METTL25: variants seen among roughly 807,000 people sequenced by gnomAD.
METTL25 encodes the protein probable methyltransferase-like protein 25.
In METTL25, 64 loss-of-function variants were observed where a neutral mutation model predicts 71.6. That is an observed-to-expected ratio of 0.89 (90% CI 0.73 to 1.10). METTL25 has a LOEUF of 1.10. Among genes scored for constraint, METTL25 ranks in the 50% least tolerant of loss-of-function variants. METTL25 has a pLI of 0.00. For missense variants in METTL25, 807 were observed against 707.0 expected (o/e 1.14, Z -1.60); for synonymous variants, 287 against 250.3 (o/e 1.15, Z -1.38).
chr12:82,447,702 G>T (rs987417335), intron 8 of METTL25, among the ~76,000 whole-genome samples: 6 of 151,992 alleles, frequency 3.9e-5, no homozygotes, highest in African/African-American at 1.4e-4. Flanking sequence ...AGAAATCAAG[G>T]TATTTAATAC....
chr12:82,456,338 C>T (rs1891486183), intron 8 of METTL25, among the ~76,000 whole-genome samples: 2 of 151,882 alleles, frequency 1.3e-5, no homozygotes, highest in African/African-American at 4.8e-5. Flanking sequence ...CTTTGCATAG[C>T]TGTTGAATTA....
At chr12:82,438,969 G>A (rs941261020) in intron 8 of METTL25, 178 bp downstream of exon 8, 3 of 401,926 alleles carry the variant, frequency 7.5e-6, no homozygotes, top group Non-Finnish European at 1.3e-5. Context: ...CATTAAAGTG[G>A]GGGCTCTAAT....
intron 5 of METTL25, among the ~76,000 whole-genome samples, chr12:82,418,504 T>C (rs2137088455): frequency 6.6e-6 from 1 of 152,290 alleles, no homozygotes; most frequent in South Asian, 2.1e-4. Context: ...GTGACACTAA[T>C]AATCTCCACC....
intron 9 of METTL25, among the ~76,000 whole-genome samples, chr12:82,466,703 A>G (rs564609286): frequency 6.4e-4 from 97 of 152,188 alleles, no homozygotes; most frequent in African/African-American, 1.8e-3. Context: ...GAAGTCCCCA[A>G]CTATTACTGG....
At chr12:82,434,632 T>C in intron 6 of METTL25, 63 bp from the exon 7 acceptor site, 1 of 1,253,228 alleles carries the variant, frequency 8.0e-7, no homozygotes, top group Non-Finnish European at 1.1e-6. Flanking sequence ...TCTTATACAG[T>C]GTGTTTATAA....
At chr12:82,366,131 TC>T (rs1373566804) in intron 1 of METTL25, among the ~76,000 whole-genome samples, 2 of 152,112 alleles carry the variant, frequency 1.3e-5, no homozygotes, top group Non-Finnish European at 2.9e-5. Context: ...CCTCATTTGT[TC>T]TCATTGTAAT....
At chr12:82,365,392 G>C (rs1358811004) in intron 1 of METTL25, among the ~76,000 whole-genome samples, 1 of 152,128 alleles carries the variant, frequency 6.6e-6, no homozygotes, top group Non-Finnish European at 1.5e-5. Context: ...TATCACTTCA[G>C]GTTAAAATGT....
chr12:82,463,578 C>T (rs1239988862), intron 9 of METTL25, among the ~76,000 whole-genome samples: 1 of 151,924 alleles, frequency 6.6e-6, no homozygotes, highest in African/African-American at 2.4e-5. Flanking sequence ...ATATTGATTT[C>T]TTTTCCTTTG....
chr12:82,442,747 C>CAA (rs1435973301), intron 8 of METTL25, among the ~76,000 whole-genome samples: 3 of 152,044 alleles, frequency 2.0e-5, no homozygotes, highest in Non-Finnish European at 4.4e-5. Context: ...TTCTTTCCTA[C>CAA]AACTGTATGT....
chr12:82,362,171 C>A (rs1292759965), intron 1 of METTL25, among the ~76,000 whole-genome samples: 5 of 152,128 alleles, frequency 3.3e-5, no homozygotes. Context: ...TCATTAGAGT[C>A]CTAAGAGTTT....
chr12:82,361,632 T>C (rs1370552022), intron 1 of METTL25, among the ~76,000 whole-genome samples: 1 of 152,140 alleles, frequency 6.6e-6, no homozygotes, highest in Non-Finnish European at 1.5e-5. Flanking sequence ...CTGGGGGACT[T>C]GGTGCATCCT....
chr12:82,479,204 AT>A lies in METTL25; in HGVS notation c.*182del. ...CCATTTTTCCATTGTCAAAGCATACATTAATAAAAGAAGAACCTGTCATAAT... is the reference window on the plus strand; with the variant it reads ...CCATTTTTCCATTGTCAAAGCATACATAATAAAAGAAGAACCTGTCATAAT... On this transcript the variant is annotated 3_prime_UTR_variant, in exon 12 of 12. Transcript: ENST00000248306. 1 of 502,272 alleles carries A rather than the reference AT, an allele frequency of 2.0e-6. No homozygotes were observed. Among genetic ancestry groups the A allele is most frequent in the Non-Finnish European group, 3.5e-6 (1 of 282,216 alleles). The allele number at this position is 502,272 out of a possible 1,614,324, so 31.1% of individuals were successfully genotyped here. A position where few individuals can be genotyped will look rare whatever the true frequency, so the allele number is the denominator to read the frequency against.
chr12:82,399,420 T>C, intron 4 of METTL25, 26 bp downstream of exon 4: 1 of 1,498,514 alleles, frequency 6.7e-7, no homozygotes, highest in Non-Finnish European at 9.0e-7. Flanking sequence ...AATTATTTAA[T>C]TTGATTTACA....
intron 9 of METTL25, among the ~76,000 whole-genome samples, chr12:82,462,937 AT>A (rs1296978859): frequency 1.3e-5 from 2 of 152,048 alleles, no homozygotes; most frequent in African/African-American, 4.8e-5. Context: ...TTTATTTTTT[AT>A]TTTTTAAATG....
intron 8 of METTL25, among the ~76,000 whole-genome samples, chr12:82,441,806 A>ACACACACAC (rs1890360100): frequency 7.5e-6 from 1 of 133,982 alleles, no homozygotes; most frequent in African/African-American, 2.8e-5. Flanking sequence ...AAAAAATAGA[A>ACACACACAC]ACACACACAC....
chr12:82,452,888 T>G (rs1053392142), intron 8 of METTL25, among the ~76,000 whole-genome samples: 1 of 152,084 alleles, frequency 6.6e-6, no homozygotes, highest in African/African-American at 2.4e-5. Context: ...ACAACACCAT[T>G]CTACTGATGA....
chr12:82,476,204 T>C lies in METTL25; in HGVS notation c.1573-440T>C, dbSNP rs114826206. ...CTCTCTGATGGATTTGTGAAGTGCA[T>C]GTTAGAAGAAACTACCTTAAGTATG... On this transcript the variant is annotated intron_variant, in intron 9 of 11. Transcript: ENST00000248306. The C allele has an allele frequency of 9.7e-3, 1,499 of 154,378 alleles. 26 individuals are homozygous for C. The highest frequency in any genetic ancestry group is 0.034 in the African/African-American group (1,408 of 41,598). The allele number at this position is 154,378 out of a possible 1,614,324, so 9.6% of individuals were successfully genotyped here.
chr12:82,426,334 A>G (rs571667944), intron 5 of METTL25, among the ~76,000 whole-genome samples: 2 of 152,186 alleles, frequency 1.3e-5, no homozygotes, highest in East Asian at 1.9e-4. Flanking sequence ...GAAAACTTCA[A>G]GATGGTTATG....
At chr12:82,425,906 C>T (rs1012595739) in intron 5 of METTL25, among the ~76,000 whole-genome samples, 2 of 151,920 alleles carry the variant, frequency 1.3e-5, no homozygotes, top group African/African-American at 2.4e-5. Flanking sequence ...CTAAAGCTTG[C>T]AAGAAATACT....
Sources: allele counts gnomAD v4.1 joint callset (sites outside exome capture counted in the v4.1 genomes callset), GRCh38; gene constraint gnomAD v4.1.1; transcripts MANE v1.5; gene names NCBI Gene and HGNC (gene_info 2026-07-23, HGNC 2026-07-21).